The following NOS3 variants were observed in gnomAD, a reference collection of about 807,000 sequenced individuals.
NOS3 encodes NOS type III.
In NOS3, 98 loss-of-function variants were observed where a neutral mutation model predicts 144.9. That is an observed-to-expected ratio of 0.68 (90% CI 0.57 to 0.80). NOS3 has a LOEUF of 0.80. Ranked by LOEUF, NOS3 falls within the 30% of genes least tolerant of loss-of-function variation. The pLI is 0.00. For missense variants in NOS3, 1,465 were observed against 1,656.4 expected, an observed-to-expected ratio of 0.88 and a Z score of 2.01; for synonymous variants, 714 against 702.4, an observed-to-expected ratio of 1.02 and a Z score of -0.26.
At chr7:151,005,337 G>C (rs936028534) in intron 14 of NOS3, among the ~76,000 whole-genome samples, 1 of 152,172 alleles carries the variant, frequency 6.6e-6, no homozygotes, top group Admixed American at 6.5e-5. Flanking sequence ...ATCTGCAGTT[G>C]AGCACCAGAT....
chr7:151,013,782 G>T lies in NOS3; in HGVS notation c.3314G>T (p.Cys1105Phe), dbSNP rs1486533845. 6.2e-6 allele frequency: 10 copies of T among 1,611,432 alleles called. No individual in the cohort carries two copies. Among genetic ancestry groups the T allele is most frequent in the Non-Finnish European group, 6.8e-6 (8 of 1,179,384 alleles). The change falls in exon 26 of 27, where the codon TGC (cysteine) becomes TTC (phenylalanine). Residue 1105 changes from cysteine (C) to phenylalanine (F), a missense_variant. Transcript: ENST00000297494. ...ELAAEVHRVLCLERGHMFVCG... is the reference protein window; with the variant it reads ...ELAAEVHRVLFLERGHMFVCG... ...GCTGCGGAGGTGCACCGCGTGCTGT[G>T]CCTCGAGCGGGGCCACATGTTTGTC... is the stretch of plus-strand genomic sequence containing the variant.
At chr7:151,004,813 G>A (rs116566832) in intron 14 of NOS3, among the ~76,000 whole-genome samples, 57 of 152,168 alleles carry the variant, frequency 3.7e-4, no homozygotes, top group African/African-American at 1.2e-3. Context: ...AAGAAGGCAC[G>A]AAGTTGGCTT....
intron 23 of NOS3, 54 bp from the exon 24 acceptor site, chr7:151,012,297 G>A (rs1386708762): frequency 1.3e-6 from 2 of 1,499,914 alleles, no homozygotes; most frequent in East Asian, 2.5e-5. Flanking sequence ...TGCATGGTGA[G>A]AATGGTGGAG....
Position 151,010,611 on chromosome 7 carries a change from C to T in NOS3, c.2700C>T (p.Tyr900=), listed in dbSNP as rs143521490. Residue 900 remains tyrosine (Y), a synonymous_variant, in exon 22 of 27, where the codon TAC becomes TAT. Transcript: ENST00000297494. ...TGCCCCGCCAGGATCCCCGACGCTA[C>T]GAGGAGTGGAAGTGGTTCCGCTGCC... The part of the protein sequence containing the change: ...LEALSQDPRR[Y]EEWKWFRCPT... 41 of 1,595,112 alleles carry T rather than the reference C, an allele frequency of 2.6e-5. No individual in the cohort carries two copies. The highest frequency in any genetic ancestry group is 7.9e-5 in the South Asian group (7 of 88,146).
rs1383706910 is a variant in NOS3, at chr7:151,002,462, G to T, written c.1752+158G>T. ...CACACACACACACACACGCCAGGAT[G>T]GAAAGGGAGATGCTAAGAGACCCCT... On this transcript the variant is annotated intron_variant, in intron 14 of 26. Transcript: ENST00000297494. The surrounding 1 kb of genome is among the most constrained non-coding windows in gnomAD (Gnocchi z 4.1). Among the ~76,000 whole-genome samples, 1 of 135,870 alleles carries T rather than the reference G, an allele frequency of 7.4e-6. No homozygotes were observed. Among genetic ancestry groups the T allele is most frequent in the Non-Finnish European group, 1.6e-5 (1 of 64,126 alleles). The allele number at this position is 135,870 out of a possible 152,430, so 89.1% of individuals were successfully genotyped here.
intron 5 of NOS3, among the ~76,000 whole-genome samples, chr7:150,997,526 G>C (rs1802459491): frequency 6.6e-6 from 1 of 152,164 alleles, no homozygotes; most frequent in South Asian, 2.1e-4. Flanking sequence ...TTAGTTACTG[G>C]AACGCCTGTG....
chr7:151,013,345 T>A lies in NOS3; in HGVS notation c.3221T>A (p.Leu1074His), dbSNP rs1795348967. The A allele has an allele frequency of 6.2e-7, 1 of 1,613,670 alleles. No individual in the cohort carries two copies. The highest frequency in any genetic ancestry group is 1.3e-5 in the African/African-American group (1 of 74,920). ...CAGCGCGGGGTGTTTGGCCGAGTCC[T>A]CACCGCCTTCTCCCGGGAACCTGAC... is the stretch of plus-strand genomic sequence containing the variant. ...AQQRGVFGRV[L>H]TAFSREPDNP... Residue 1074 changes from leucine (L) to histidine (H), a missense_variant, in exon 25 of 27, where the codon CTC (leucine) becomes CAC (histidine). By Grantham distance (99) the Leu-to-His change is moderately conservative. Coordinates refer to ENST00000297494, the MANE Select transcript of NOS3 (RefSeq NM_000603.5).
Position 151,012,488 on chromosome 7 carries a change from AAAGGACTGCCTG to A in NOS3, c.3106+21_3106+32del. 1.2e-6 allele frequency: 2 copies of A among 1,609,690 alleles called. No homozygotes were observed. The highest frequency in any genetic ancestry group is 1.7e-6 in the Non-Finnish European group (2 of 1,177,398). On this transcript the variant is annotated intron_variant, in intron 24 of 26. Transcript: ENST00000297494. ...GAGAGCAAAGGTGAGGCTGGGGACT[AAAGGACTGCCTG>A]AAGGGAGTCACACAATCTAGGGACA... is the stretch of plus-strand genomic sequence containing the variant.
Position 151,010,799 on chromosome 7 carries a change from G to C in NOS3, c.2888G>C (p.Arg963Thr). ...IHLTVAVLAY[R>T]TQDGLGPLHY... ...CTCACTGTAGCTGTGCTGGCATACA[G>C]GACTCAGGGTGAGGCAACAAGCAGG... The change falls in exon 22 of 27, where the codon AGG becomes ACG. Residue 963 changes from arginine (R) to threonine (T), a missense_variant. Coordinates refer to ENST00000297494, the MANE Select transcript of NOS3 (RefSeq NM_000603.5). 6.2e-7 allele frequency: 1 copy of C among 1,611,526 alleles called. No homozygotes were observed. Among genetic ancestry groups the C allele is most frequent in the Non-Finnish European group, 8.5e-7 (1 of 1,178,880 alleles).
Position 151,002,338 on chromosome 7 carries a change from G to T in NOS3, c.1752+34G>T. The T allele has an allele frequency of 8.6e-7, 1 of 1,156,252 alleles. No individual in the cohort carries two copies. Among genetic ancestry groups the T allele is most frequent in the South Asian group, 1.3e-5 (1 of 76,738 alleles). The allele number at this position is 1,156,252 out of a possible 1,614,324, so 71.6% of individuals were successfully genotyped here. Reference sequence around the variant, plus strand: ...TTCCAGGAAAGGGGCTGCTGGGAATGAGGAGAGACTCAGAATTGGAGTGAC... The same window carrying T: ...TTCCAGGAAAGGGGCTGCTGGGAATTAGGAGAGACTCAGAATTGGAGTGAC... On this transcript the variant is annotated intron_variant, in intron 14 of 26. Coordinates refer to ENST00000297494, the MANE Select transcript of NOS3 (RefSeq NM_000603.5). This position sits in a 1 kb window ranked among gnomAD's most constrained non-coding sequence, Gnocchi z 4.1.
chr7:151,013,608 G>A, intron 25 of NOS3, 116 bp from the exon 26 acceptor site: 4 of 800,534 alleles, frequency 5.0e-6, no homozygotes, highest in Non-Finnish European at 6.8e-6. Context: ...CCCAGGGCAC[G>A]CAGGCCCCAC....
At position 151,006,979 on chromosome 7, in the gene NOS3, C is replaced by T. The variant is rs1443982789; in HGVS notation, c.1911C>T (p.Asp637=). 5 of 1,614,004 alleles carry T rather than the reference C, an allele frequency of 3.1e-6. No individual in the cohort carries two copies. In the South Asian group the frequency reaches 5.5e-5, roughly 18 times the overall value. Residue 637 remains aspartate (D), a synonymous_variant, in exon 16 of 27, where the codon GAC becomes GAT. Transcript: ENST00000297494. The part of the protein sequence containing the change: ...RRKRKESSNT[D]SAGALGTLRF... ...AGAGGAAGGAGTCCAGTAACACAGA[C>T]AGTGCAGGGGCCCTGGGCACCCTCA... is the stretch of plus-strand genomic sequence containing the variant.
At chr7:151,006,703 T>TGG (rs1408633651) in intron 15 of NOS3, among the ~76,000 whole-genome samples, 186 bp from the exon 16 acceptor site, 1 of 152,030 alleles carries the variant, frequency 6.6e-6, no homozygotes, top group Non-Finnish European at 1.5e-5. Context: ...TCTTCAGAGA[T>TGG]GGGGGTGTGG....
At position 150,993,072 on chromosome 7, in the gene NOS3, T is replaced by C. The variant is rs1584894102; in HGVS notation, c.-51-681T>C. On this transcript the variant is annotated intron_variant, in intron 1 of 26. Transcript: ENST00000297494. This position sits in a 1 kb window ranked among gnomAD's most constrained non-coding sequence, Gnocchi z 4.0. ...GCGTCACTGAATGACAGGGTGGGGG[T>C]GGAGGCACTGGAAGGCAGCTTCCTG... Among the ~76,000 whole-genome samples, 1 of 151,842 alleles carries C rather than the reference T, an allele frequency of 6.6e-6. No individual in the cohort carries two copies. Among genetic ancestry groups the C allele is most frequent in the Non-Finnish European group, 1.5e-5 (1 of 67,978 alleles).
intron 5 of NOS3, 80 bp downstream of exon 5, chr7:150,997,005 G>A (rs947142936): frequency 1.5e-4 from 225 of 1,453,644 alleles, no homozygotes; most frequent in Non-Finnish European, 1.9e-4. Context: ...AAGGCTTCCC[G>A]GGGGCTGGGA....
rs3793341 is a variant in NOS3 at position 150,998,126 on chromosome 7, A to T, written c.583-231A>T. Among the ~76,000 whole-genome samples, 1 of 152,054 alleles carries T rather than the reference A, an allele frequency of 6.6e-6. No individual in the cohort carries two copies. The highest frequency in any genetic ancestry group is 2.4e-5 in the African/African-American group (1 of 41,380). On this transcript the variant is annotated intron_variant, in intron 5 of 26. Transcript: ENST00000297494. This position sits in a 1 kb window ranked among gnomAD's most constrained non-coding sequence, Gnocchi z 5.0. ...TGTACTGGATACCAAGTCAGCTTCC[A>T]TAGGGATGGGGAGACACCTGGCCCA...
rs1390310356 is a variant in NOS3, at chr7:151,009,443, G to T, written c.2370G>T (p.Gly790=). The stretch of plus-strand genomic sequence containing the variant: ...GCCTGGACACCGGAGGCCAGGAGGG[G>T]CTGCAGTACCAGCCGGGGGACCACA... ...LVRLDTGGQE[G]LQYQPGDHIG... The change falls in exon 20 of 27, where the codon GGG becomes GGT. Residue 790 remains glycine, a synonymous_variant. Coordinates refer to ENST00000297494, the MANE Select transcript of NOS3 (RefSeq NM_000603.5). 1 of 1,548,736 alleles carries T rather than the reference G, an allele frequency of 6.5e-7. No homozygotes were observed. Among genetic ancestry groups the T allele is most frequent in the African/African-American group, 1.4e-5 (1 of 73,094 alleles).
intron 14 of NOS3, chr7:151,004,072 C>T (rs987604262): frequency 2.7e-5 from 6 of 222,586 alleles, no homozygotes; most frequent in African/African-American, 9.4e-5. Context: ...CGCGGTGGCT[C>T]ACGCCTGTGA....
chr7:151,009,517 G>T lies in NOS3; in HGVS notation c.2444G>T (p.Ser815Ile). ...NRPGLVEALL[S>I]RVEDPPAPTE... ...CCCGGCCTTGTGGAGGCGCTGCTGA[G>T]CCGCGTGGAGGACCCGCCGGCGCCC... The change falls in exon 20 of 27, where the codon AGC becomes ATC. Residue 815 changes from serine (S) to isoleucine (I), a missense_variant. This residue lies in a region of NOS3 where 745 missense variants were observed against 853.9 expected (regional missense o/e 0.87). Transcript: ENST00000297494. 6.5e-7 allele frequency: 1 copy of T among 1,546,654 alleles called. No individual in the cohort carries two copies.
Sources: gnomAD v4.1 joint callset for allele counts (sites outside exome capture counted in the v4.1 genomes callset) on GRCh38, gnomAD v4.1.1 for gene constraint, gnomAD v4.1.1 regional missense constraint, Gnocchi (gnomAD v3.1) non-coding constraint, MANE v1.5 for transcripts, NCBI Gene and HGNC (gene_info 2026-07-23, HGNC 2026-07-21) for gene names.